The following MAP4K3 variants were observed in gnomAD, a reference collection of about 807,000 sequenced individuals.
MAP4K3 encodes the protein mitogen-activated protein kinase kinase kinase kinase 3.
MAP4K3 carries 94 observed loss-of-function variants against 143.5 expected under a neutral mutation model. The ratio of observed to expected loss-of-function variants is 0.65; its 90% CI spans 0.55 to 0.78. The LOEUF is 0.78. MAP4K3 is among the 30% of genes least tolerant of loss of function. The pLI, the probability that MAP4K3 is intolerant of heterozygous loss-of-function variation, is 0.00. For synonymous variants in MAP4K3, 416 were observed against 347.2 expected (o/e 1.20, Z -2.20); for missense variants, 1,077 against 1,068.1 (o/e 1.01, Z -0.12).
chr2:39,407,348 A>G (rs1387716451), intron 1 of MAP4K3, among the ~76,000 whole-genome samples: 1 of 151,758 alleles, frequency 6.6e-6, no homozygotes, highest in African/African-American at 2.4e-5. Context: ...TTAACAACTT[A>G]AAGGAAAAAA....
intron 1 of MAP4K3, among the ~76,000 whole-genome samples, chr2:39,385,385 G>A (rs1163306389): frequency 2.0e-5 from 3 of 151,796 alleles, no homozygotes; most frequent in Non-Finnish European, 4.4e-5. Context: ...TAATAGGTAG[G>A]TAAATGCTAT....
At chr2:39,352,035 T>C (rs916861616) in intron 3 of MAP4K3, among the ~76,000 whole-genome samples, 1 of 152,190 alleles carries the variant, frequency 6.6e-6, no homozygotes, top group African/African-American at 2.4e-5. Flanking sequence ...TACTGGCTTA[T>C]TGTTTAAGGA....
At chr2:39,399,834 G>A (rs1222412266) in intron 1 of MAP4K3, among the ~76,000 whole-genome samples, 1 of 152,158 alleles carries the variant, frequency 6.6e-6, no homozygotes, top group Non-Finnish European at 1.5e-5. Context: ...CTGTAAGTAG[G>A]ATCTTTGTTC....
intron 12 of MAP4K3, chr2:39,315,630 G>C: frequency 2.3e-6 from 1 of 433,926 alleles, no homozygotes; most frequent in East Asian, 4.3e-5. Context: ...GCACTTCTTT[G>C]GCTAAATACA....
intron 14 of MAP4K3, among the ~76,000 whole-genome samples, chr2:39,308,697 T>G (rs1682808267): frequency 6.6e-6 from 1 of 152,166 alleles, no homozygotes; most frequent in African/African-American, 2.4e-5. Flanking sequence ...TGCAAAGTAT[T>G]TTGCTTTTAT....
chr2:39,296,184 T>C (rs1044841500), intron 16 of MAP4K3, among the ~76,000 whole-genome samples: 2 of 152,252 alleles, frequency 1.3e-5, no homozygotes, highest in African/African-American at 4.8e-5. Flanking sequence ...TTAACATATT[T>C]TATTAATGAA....
At chr2:39,254,260 G>A (rs570799896) in intron 32 of MAP4K3, among the ~76,000 whole-genome samples, 190 bp downstream of exon 32, 85 of 152,304 alleles carry the variant, frequency 5.6e-4, no homozygotes, top group Middle Eastern at 3.4e-3. Flanking sequence ...ATGCACTAAA[G>A]TTGTTTGAGT....
intron 3 of MAP4K3, among the ~76,000 whole-genome samples, chr2:39,349,260 ACTT>A (rs937594432): frequency 7.2e-5 from 11 of 152,210 alleles, no homozygotes; most frequent in African/African-American, 2.7e-4. Context: ...AAATTTTTAA[ACTT>A]TTTTGGTTGA....
rs1282881037 is a variant in MAP4K3, at chr2:39,272,339, C to T, written c.1917G>A (p.Met639Ile). Residue 639 changes from methionine (M) to isoleucine (I), a missense_variant, in exon 26 of 34, where the codon ATG becomes ATA. Physicochemically the swap from Met to Ile is conservative, Grantham distance 10. This residue lies in a region of MAP4K3 where 864 missense variants were observed against 801.2 expected (regional missense o/e 1.08). Transcript: ENST00000263881. ...CTGGAATAGCAACAGGTAACTTTTG[C>T]ATTTGTCTTGCATAATCAAAAAGCC... ...LPGLFDYARQ[M>I]QKLPVAIPAH... is the part of the protein sequence containing the mutation. The T allele has an allele frequency of 5.0e-6, 8 of 1,613,618 alleles. No individual in the cohort carries two copies. The Admixed American group carries it at 1.0e-4, about 20-fold the overall frequency.
intron 12 of MAP4K3, chr2:39,323,876 T>C (rs1402911508): frequency 6.6e-6 from 1 of 152,188 alleles, no homozygotes; most frequent in Non-Finnish European, 1.5e-5. Flanking sequence ...TTTTTTCACA[T>C]TTCTACAATT....
At chr2:39,364,592 G>A (rs1665866717) in intron 2 of MAP4K3, among the ~76,000 whole-genome samples, 1 of 152,226 alleles carries the variant, frequency 6.6e-6, no homozygotes, top group East Asian at 1.9e-4. Flanking sequence ...GGTGGGCCAG[G>A]TGCGGTGGCT....
intron 13 of MAP4K3, among the ~76,000 whole-genome samples, chr2:39,309,951 G>A (rs1297393583): frequency 1.3e-5 from 2 of 152,052 alleles, no homozygotes; most frequent in Non-Finnish European, 2.9e-5. Context: ...ACCACACACT[G>A]ATCTCCAAAG....
Position 39,287,836 on chromosome 2 carries a change from T to C in MAP4K3, c.1474+285A>G, listed in dbSNP as rs1442206022. Among the ~76,000 whole-genome samples the C allele has an allele frequency of 2.6e-5, 4 of 152,198 alleles. 1 individual carries two copies. Among genetic ancestry groups the C allele is most frequent in the Admixed American group, 2.6e-4 (4 of 15,284 alleles). Reference sequence around the variant, plus strand: ...ATGTTTGTTCATAGTTTAATTTGCATTGTTTCCACACCGTAGCTAAATGAA... The same window carrying C: ...ATGTTTGTTCATAGTTTAATTTGCACTGTTTCCACACCGTAGCTAAATGAA... On this transcript the variant is annotated intron_variant, in intron 20 of 33. Transcript: ENST00000263881.
chr2:39,377,147 C>T (rs1183538284), intron 2 of MAP4K3, among the ~76,000 whole-genome samples: 2 of 146,680 alleles, frequency 1.4e-5, no homozygotes, highest in East Asian at 2.0e-4. Flanking sequence ...AGAGGGAGAA[C>T]TGAATATAGA....
At chr2:39,338,317 T>C (rs1665041304) in intron 4 of MAP4K3, among the ~76,000 whole-genome samples, 1 of 152,216 alleles carries the variant, frequency 6.6e-6, no homozygotes, top group Non-Finnish European at 1.5e-5. Context: ...ACATGTATTA[T>C]GACTAGTTTT....
chr2:39,401,219 AG>A (rs1286440444), intron 1 of MAP4K3, among the ~76,000 whole-genome samples: 1 of 152,048 alleles, frequency 6.6e-6, no homozygotes, highest in Non-Finnish European at 1.5e-5. Context: ...CAGGAAGGGG[AG>A]GGGGGTGTCC....
intron 1 of MAP4K3, among the ~76,000 whole-genome samples, chr2:39,423,476 T>C (rs1038722201): frequency 1.3e-5 from 2 of 152,250 alleles, no homozygotes; most frequent in Non-Finnish European, 1.5e-5. Flanking sequence ...TGGATATTTA[T>C]AGCTGCTTTA....
rs1255103637 is a variant in MAP4K3 at position 39,307,936 on chromosome 2, G to C, written c.1119+7C>G. The stretch of plus-strand genomic sequence containing the variant: ...GCTGACAAAGAAAATCAGAAGATGA[G>C]AAATACCAGATTAGATCTTGCAGTG... On this transcript the variant is annotated splice_region_variant and intron_variant, in intron 15 of 33. Coordinates refer to ENST00000263881, the MANE Select transcript of MAP4K3 (RefSeq NM_003618.4). The C allele has an allele frequency of 2.6e-6, 4 of 1,534,306 alleles. No homozygotes were observed. Among genetic ancestry groups the C allele is most frequent in the South Asian group, 2.6e-5 (2 of 77,210 alleles).
chr2:39,432,604 C>G (rs1040420898), intron 1 of MAP4K3, among the ~76,000 whole-genome samples: 3 of 152,138 alleles, frequency 2.0e-5, no homozygotes, highest in Non-Finnish European at 2.9e-5. Flanking sequence ...TATTCCTTAT[C>G]CGTTAGGTTT....
Sources: gnomAD v4.1 joint callset for allele counts (sites outside exome capture counted in the v4.1 genomes callset) on GRCh38, gnomAD v4.1.1 for gene constraint, gnomAD v4.1.1 regional missense constraint, MANE v1.5 for transcripts, NCBI Gene and HGNC (gene_info 2026-07-23, HGNC 2026-07-21) for gene names.